ACAD10: variants seen among roughly 807,000 people sequenced by gnomAD.
ACAD10 encodes the protein acyl-CoA dehydrogenase family member 10.
ACAD10 carries 112 observed loss-of-function variants against 116.8 expected under a neutral mutation model. That is an observed-to-expected ratio of 0.96 (90% CI 0.82 to 1.12). The LOEUF (loss-of-function observed/expected upper bound fraction) is 1.12. ACAD10 is among the 50% of genes most tolerant of loss of function. The pLI, the probability that ACAD10 is intolerant of heterozygous loss-of-function variation, is 0.00. For synonymous variants in ACAD10, 486 were observed against 510.6 expected, an observed-to-expected ratio of 0.95 and a Z score of 0.65; for missense variants, 1,259 against 1,350.2, an observed-to-expected ratio of 0.93 and a Z score of 1.06.
chr12:111,724,129 C>T (rs1286416159), intron 8 of ACAD10, among the ~76,000 whole-genome samples: 2 of 150,926 alleles, frequency 1.3e-5, no homozygotes, highest in South Asian at 2.1e-4. Context: ...CGGATACGCT[C>T]CTCACTTTCC....
At chr12:111,705,235 G>A (rs370444628) in intron 3 of ACAD10, among the ~76,000 whole-genome samples, 182 of 150,964 alleles carry the variant, frequency 1.2e-3, no homozygotes, top group African/African-American at 4.3e-3. Flanking sequence ...TTGTAATATT[G>A]ATATAAATAG....
At chr12:111,729,768 T>G in intron 9 of ACAD10, 38 bp from the exon 10 acceptor site, 1 of 1,598,394 alleles carries the variant, frequency 6.3e-7, no homozygotes, top group Non-Finnish European at 8.6e-7. Flanking sequence ...CAGAGGTTGC[T>G]GAAATTGCAC....
At chr12:111,692,124 A>G (rs1235221304) in intron 1 of ACAD10, among the ~76,000 whole-genome samples, 1 of 152,082 alleles carries the variant, frequency 6.6e-6, no homozygotes, top group African/African-American at 2.4e-5. Flanking sequence ...ATGCGCCACC[A>G]TGCCCGGCTA....
intron 7 of ACAD10, among the ~76,000 whole-genome samples, chr12:111,719,135 A>AG (rs1284533148): frequency 6.6e-6 from 1 of 152,214 alleles, no homozygotes; most frequent in East Asian, 1.9e-4. Context: ...AAAAAAGAAA[A>AG]GAAAAAAAGA....
At chr12:111,688,631 G>T (rs949801821) in intron 1 of ACAD10, among the ~76,000 whole-genome samples, 2 of 151,704 alleles carry the variant, frequency 1.3e-5, no homozygotes, top group African/African-American at 2.4e-5. Context: ...GTTAACACCC[G>T]TCTCCACTAT....
chr12:111,717,844 C>T (rs1322951476), intron 7 of ACAD10, among the ~76,000 whole-genome samples: 1 of 152,014 alleles, frequency 6.6e-6, no homozygotes, highest in East Asian at 1.9e-4. Flanking sequence ...GCCAGCGTGC[C>T]TGGCCAAGGT....
chr12:111,755,624 G>A, intron 19 of ACAD10, 44 bp from the exon 20 acceptor site: 5 of 1,524,344 alleles, frequency 3.3e-6, no homozygotes, highest in Non-Finnish European at 4.5e-6. Flanking sequence ...TGCCACCCAG[G>A]CTGCCCTCGG....
At chr12:111,744,586 A>G in intron 12 of ACAD10, 57 bp from the exon 13 acceptor site, 1 of 1,554,378 alleles carries the variant, frequency 6.4e-7, no homozygotes, top group African/African-American at 1.4e-5. Context: ...TCACATGTTA[A>G]CATCCCTATG....
chr12:111,733,439 A>T (rs1209496568), intron 10 of ACAD10, among the ~76,000 whole-genome samples: 4 of 152,052 alleles, frequency 2.6e-5, no homozygotes, highest in African/African-American at 9.7e-5. Context: ...GTTTCAAGAG[A>T]CAGAGGGCTG....
chr12:111,706,580 G>T (rs1250997070), intron 4 of ACAD10, among the ~76,000 whole-genome samples: 1 of 151,800 alleles, frequency 6.6e-6, no homozygotes, highest in Non-Finnish European at 1.5e-5. Flanking sequence ...CTCCTGAGTA[G>T]CTGGAATTAC....
chr12:111,747,314 C>T lies in ACAD10; in HGVS notation c.2414C>T (p.Thr805Ile), dbSNP rs1324252730. The T allele has an allele frequency of 6.2e-7, 1 of 1,614,120 alleles. No homozygotes were observed. The highest frequency in any genetic ancestry group is 1.1e-5 in the South Asian group (1 of 91,078). The change falls in exon 16 of 21, where the codon ACC (threonine) becomes ATC (isoleucine). Residue 805 changes from threonine to isoleucine, a missense_variant. Physicochemically the swap from Thr to Ile is moderately conservative, Grantham distance 89 (BLOSUM62 -1). Transcript: ENST00000313698. ...TEPQVASSDA[T>I]NIEASIREED... Reference sequence around the variant, plus strand: ...ACTCAGGTTGCCTCTTCAGATGCCACCAACATTGAGGCTTCCATCAGAGAG... The same window carrying T: ...ACTCAGGTTGCCTCTTCAGATGCCATCAACATTGAGGCTTCCATCAGAGAG...
Position 111,749,230 on chromosome 12 carries a change from T to C in ACAD10, c.2702T>C (p.Leu901Pro), listed in dbSNP as rs777306165. The C allele has an allele frequency of 1.2e-6, 2 of 1,614,010 alleles. No homozygotes were observed. Residue 901 changes from leucine (L) to proline (P), a missense_variant, in exon 18 of 21, where the codon CTG becomes CCG. Transcript: ENST00000313698. ...HVRVPKENMV[L>P]GPGRGFEIAQ... ...CGTGTGCCCAAAGAGAACATGGTCC[T>C]GGGCCCTGGCCGAGGCTTTGAGATC...
intron 4 of ACAD10, among the ~76,000 whole-genome samples, chr12:111,706,248 C>T (rs539716142): frequency 6.6e-6 from 1 of 152,240 alleles, no homozygotes; most frequent in African/African-American, 2.4e-5. Context: ...TTGGCCTTTT[C>T]TAAGACCAAC....
chr12:111,696,548 T>A lies in ACAD10; in HGVS notation c.187+3652T>A, dbSNP rs548165466. Among the ~76,000 whole-genome samples, 4 of 152,344 alleles carry A rather than the reference T, an allele frequency of 2.6e-5. No individual in the cohort carries two copies. In the South Asian group the frequency reaches 8.3e-4, roughly 32 times the overall value. ...TTGTTTACATATTGTCCATGACTGC[T>A]TTTACCCTGTACTGGCAGAGTTGAG... On this transcript the variant is annotated intron_variant, in intron 2 of 20. Transcript: ENST00000313698.
chr12:111,723,110 ACC>A (rs1889074736), intron 8 of ACAD10, among the ~76,000 whole-genome samples: 1 of 128,772 alleles, frequency 7.8e-6, no homozygotes. Flanking sequence ...GGCGCCCCTC[ACC>A]TCCCAGACGG....
chr12:111,703,439 T>C (rs1888408510), intron 3 of ACAD10, among the ~76,000 whole-genome samples: 1 of 152,226 alleles, frequency 6.6e-6, no homozygotes, highest in African/African-American at 2.4e-5. Flanking sequence ...ACAATAGCTC[T>C]ACTAAAATAT....
intron 3 of ACAD10, 77 bp from the exon 4 acceptor site, chr12:111,705,661 A>ATTTTTTTT: frequency 1.6e-6 from 2 of 1,232,768 alleles, no homozygotes; most frequent in Non-Finnish European, 2.2e-6. Flanking sequence ...AGGAATAAGC[A>ATTTTTTTT]TTTTTTTTTT....
intron 3 of ACAD10, among the ~76,000 whole-genome samples, chr12:111,702,685 C>G (rs780020276): frequency 6.6e-6 from 1 of 151,936 alleles, no homozygotes; most frequent in South Asian, 2.1e-4. Context: ...GAGCTGAGAT[C>G]ATGCCATTGC....
At chr12:111,718,010 A>G (rs1156582896) in intron 7 of ACAD10, among the ~76,000 whole-genome samples, 2 of 138,464 alleles carry the variant, frequency 1.4e-5, no homozygotes, top group East Asian at 2.0e-4. Context: ...TATCCTTTTA[A>G]TATACGTAGG....
Sources: allele counts gnomAD v4.1 joint callset (sites outside exome capture counted in the v4.1 genomes callset), GRCh38; gene constraint gnomAD v4.1.1; transcripts MANE v1.5; gene names NCBI Gene and HGNC (gene_info 2026-07-23, HGNC 2026-07-21).